RRM2: variants seen among roughly 807,000 people sequenced by gnomAD.
The protein encoded by RRM2 is ribonucleotide reductase regulatory subunit M2, also known as ribonucleoside-diphosphate reductase subunit M2.
RRM2 carries 6 observed loss-of-function variants against 45.9 expected under a neutral mutation model. The ratio of observed to expected loss-of-function variants is 0.13; its 90% CI spans 0.07 to 0.26. RRM2 has a LOEUF of 0.26. Ranked by LOEUF, RRM2 falls within the 10% of genes least tolerant of loss-of-function variation. The pLI is 1.00. For synonymous variants in RRM2, 177 were observed against 173.0 expected (o/e 1.02, Z -0.18); for missense variants, 343 against 489.5 (o/e 0.70, Z 2.82).
At chr2:10,152,735 G>A (rs1464235919) in intron 3 of RRM2, among the ~76,000 whole-genome samples, 4 of 151,928 alleles carry the variant, frequency 2.6e-5, no homozygotes, top group South Asian at 2.1e-4. Context: ...TGCCTGCCTC[G>A]GCCTCCCAAA....
chr2:10,191,532 G>A (rs1325536578), intron 3 of RRM2, among the ~76,000 whole-genome samples: 1 of 152,160 alleles, frequency 6.6e-6, no homozygotes, highest in Non-Finnish European at 1.5e-5. Context: ...AATGGGTGCT[G>A]TCAGCTGGGT....
chr2:10,206,705 T>G (rs868477200), intron 3 of RRM2, among the ~76,000 whole-genome samples: 5 of 152,202 alleles, frequency 3.3e-5, no homozygotes, highest in African/African-American at 1.2e-4. Context: ...AATCCATATT[T>G]AGATCCATCA....
At chr2:10,143,804 A>G (rs1350439334) in intron 3 of RRM2, among the ~76,000 whole-genome samples, 1 of 152,106 alleles carries the variant, frequency 6.6e-6, no homozygotes, top group Non-Finnish European at 1.5e-5. Context: ...AGTAGCTGGG[A>G]CTACAGGTGT....
downstream of RRM2, among the ~76,000 whole-genome samples, chr2:10,132,974 C>G (rs925231644): frequency 3.3e-5 from 5 of 152,204 alleles, no homozygotes; most frequent in Non-Finnish European, 5.9e-5. Context: ...GCCCTGGGTA[C>G]TCATTAGATA....
chr2:10,174,368 G>A (rs1663869181), intron 3 of RRM2, among the ~76,000 whole-genome samples: 1 of 152,158 alleles, frequency 6.6e-6, no homozygotes, highest in South Asian at 2.1e-4. Flanking sequence ...CAGCAGAGGG[G>A]AATGGCCATC....
Position 10,123,056 on chromosome 2 carries a change from C to T in RRM2, c.173C>T (p.Pro58Leu), listed in dbSNP as rs867310173. 3 of 1,553,868 alleles carry T rather than the reference C, an allele frequency of 1.9e-6. No homozygotes were observed. The highest frequency in any genetic ancestry group is 2.6e-6 in the Non-Finnish European group (3 of 1,156,936). ...ARRIFQEPTE[P>L]KTKAAAPGVE... ...AGGATCTTCCAGGAGCCCACGGAGC[C>T]GGTGAGTGGCGGGCGTGGGGCAGAG... Residue 58 changes from proline to leucine, a missense_variant and splice_region_variant, in exon 2 of 10, where the codon CCG becomes CTG. Transcript: ENST00000304567.
At chr2:10,137,046 A>G (rs1194412375), upstream of RRM2, among the ~76,000 whole-genome samples, 1 of 152,242 alleles carries the variant, frequency 6.6e-6, no homozygotes, top group Non-Finnish European at 1.5e-5. Context: ...GTTTCACAGA[A>G]GTAAATCAAT....
At chr2:10,128,770 A>C in intron 7 of RRM2, 78 bp from the exon 8 acceptor site, 3 of 1,059,010 alleles carry the variant, frequency 2.8e-6, no homozygotes, top group Non-Finnish European at 4.4e-6. Flanking sequence ...AGAATGCAGA[A>C]AAGGACAAAG....
At position 10,152,575 on chromosome 2, in the gene RRM2, T is replaced by G. The variant is rs577851424; in HGVS notation, n.482+10200T>G. On this transcript the variant is annotated intron_variant and non_coding_transcript_variant, in intron 3 of 3. Coordinates refer to the RRM2 transcript ENST00000381786. ...TTGGCTCATTGCAGCTTTGGCCTCC[T>G]GGGCTCAAGCAGTTCTCCCACCTCA... is the stretch of plus-strand genomic sequence containing the variant. Among the ~76,000 whole-genome samples, 188 of 151,760 alleles carry G rather than the reference T, an allele frequency of 1.2e-3. 2 individuals are homozygous for G. Among genetic ancestry groups the G allele is most frequent in the African/African-American group, 4.3e-3 (180 of 41,390 alleles).
chr2:10,129,653 G>C lies in RRM2; in HGVS notation c.*267G>C. ...CTTTAAAGTGAGGGGTGACCCTTTA[G>C]TGAGCTTAGCACAGCGGGATTAAAC... On this transcript the variant is annotated 3_prime_UTR_variant, in exon 10 of 10. Transcript: ENST00000304567. The surrounding 1 kb of genome is among the most constrained non-coding windows in gnomAD (Gnocchi z 4.8). 2.2e-6 allele frequency: 1 copy of C among 459,490 alleles called. No individual in the cohort carries two copies. The highest frequency in any genetic ancestry group is 3.9e-6 in the Non-Finnish European group (1 of 258,468). The allele number at this position is 459,490 out of a possible 1,614,324, so 28.5% of individuals were successfully genotyped here.
chr2:10,124,113 T>G, intron 4 of RRM2: 2 of 323,998 alleles, frequency 6.2e-6, no homozygotes, highest in South Asian at 6.2e-5. Flanking sequence ...CCCCTCTTTT[T>G]TTTTTTTTTT....
chr2:10,201,041 G>C (rs1340672425), intron 3 of RRM2, among the ~76,000 whole-genome samples: 2 of 151,980 alleles, frequency 1.3e-5, no homozygotes, highest in African/African-American at 4.8e-5. Context: ...CCAGCTACTC[G>C]GGAGGCTGAG....
chr2:10,141,479 A>C (rs1172707157), exon 1 of RRM2: 1 of 266,954 alleles, frequency 3.7e-6, no homozygotes, highest in Non-Finnish European at 7.3e-6. Flanking sequence ...GTGGGTGTGC[A>C]TCTTCTGCTT....
At chr2:10,148,345 T>C (rs1663235315) in intron 3 of RRM2, among the ~76,000 whole-genome samples, 1 of 152,144 alleles carries the variant, frequency 6.6e-6, no homozygotes. Context: ...TTTTCCTATT[T>C]TTCTCTTGAT....
At chr2:10,173,549 G>A (rs1558396731) in intron 3 of RRM2, among the ~76,000 whole-genome samples, 1 of 152,212 alleles carries the variant, frequency 6.6e-6, no homozygotes, top group Non-Finnish European at 1.5e-5. Context: ...TGGCTGGATG[G>A]GAGTAGCTCT....
chr2:10,127,288 C>T lies in RRM2; in HGVS notation c.798+68C>T. On this transcript the variant is annotated intron_variant, in intron 7 of 9. Coordinates refer to ENST00000304567, the MANE Select transcript of RRM2 (RefSeq NM_001034.4). This position sits in a 1 kb window ranked among gnomAD's most constrained non-coding sequence, Gnocchi z 4.1. Reference sequence around the variant, plus strand: ...CAACTCGGGCATGCTCTTGTGTTCACTGACGGGGACCTGAGATGCTAGATG... The same window carrying T: ...CAACTCGGGCATGCTCTTGTGTTCATTGACGGGGACCTGAGATGCTAGATG... 1.3e-6 allele frequency: 2 copies of T among 1,522,916 alleles called. No homozygotes were observed. Among genetic ancestry groups the T allele is most frequent in the East Asian group, 2.3e-5 (1 of 44,038 alleles). 94.3% of individuals were successfully genotyped at this position (1,522,916 alleles called of 1,614,324 possible). A position where few individuals can be genotyped will look rare whatever the true frequency, so the allele number is the denominator to read the frequency against.
At chr2:10,139,982 C>G (rs935967397), upstream of RRM2, among the ~76,000 whole-genome samples, 4 of 152,226 alleles carry the variant, frequency 2.6e-5, no homozygotes, top group African/African-American at 9.6e-5. Context: ...GGCGTGGTGT[C>G]TCATGCCTGT....
chr2:10,189,351 G>A (rs540365258), intron 3 of RRM2, among the ~76,000 whole-genome samples: 42 of 152,222 alleles, frequency 2.8e-4, no homozygotes, highest in Non-Finnish European at 5.3e-4. Context: ...CCCCGGAGGA[G>A]ACAGGAATGG....
intron 3 of RRM2, among the ~76,000 whole-genome samples, chr2:10,148,720 C>T (rs1663244070): frequency 6.6e-6 from 1 of 152,120 alleles, no homozygotes; most frequent in Non-Finnish European, 1.5e-5. Context: ...TTGTCATTTT[C>T]CCCAAGACAT....
Sources: allele counts gnomAD v4.1 joint callset (sites outside exome capture counted in the v4.1 genomes callset), GRCh38; gene constraint gnomAD v4.1.1; non-coding constraint Gnocchi (gnomAD v3.1); transcripts MANE v1.5; gene names NCBI Gene and HGNC (gene_info 2026-07-23, HGNC 2026-07-21).